CYFIP1: variants seen among roughly 807,000 people sequenced by gnomAD.
CYFIP1 encodes cytoplasmic FMR1-interacting protein 1.
A neutral mutation model predicts 163.5 loss-of-function variants in CYFIP1; 58 were observed. That is an observed-to-expected ratio of 0.35 (90% CI 0.29 to 0.44). The LOEUF is 0.44. Among genes scored for constraint, CYFIP1 ranks in the 20% least tolerant of loss-of-function variants. CYFIP1 has a pLI of 1.00. For missense variants in CYFIP1, 1,338 were observed against 1,653.8 expected (o/e 0.81, Z 3.31); for synonymous variants, 663 against 660.7 (o/e 1.00, Z -0.05).
chr15:22,909,286 G>T lies in CYFIP1; in HGVS notation c.2296C>A (p.Arg766Ser). The change falls in exon 21 of 31, where the codon CGT becomes AGT. Residue 766 changes from arginine (R) to serine (S), a missense_variant. Transcript: ENST00000617928. The stretch of plus-strand genomic sequence containing the variant: ...GCTGAGACGCGCTGGGTGATCAGAC[G>T]ATTGAGGTCTATTGATCTGCCGAGG... ...QLLGRSIDLN[R>S]LITQRVSAAM... 1.2e-6 allele frequency: 2 copies of T among 1,614,120 alleles called. No homozygotes were observed. The highest frequency in any genetic ancestry group is 1.1e-5 in the South Asian group (1 of 91,072).
At chr15:22,940,537 G>C (rs1180640252) in intron 6 of CYFIP1, among the ~76,000 whole-genome samples, 2 of 152,198 alleles carry the variant, frequency 1.3e-5, no homozygotes, top group Admixed American at 1.3e-4. Flanking sequence ...GGACCAGGAG[G>C]CAACACCTGA....
Position 22,933,843 on chromosome 15 carries a change from T to C in CYFIP1, c.951A>G (p.Arg317=). ...CGTAGTGGGCGCTGGTCTTGATATA[T>C]CTTGCCAGTTCTATTTGCATGTCCC... ...LFGDMQIELA[R]YIKTSAHYEE... The change falls in exon 10 of 31, where the codon AGA becomes AGG. Residue 317 remains arginine (R), a synonymous_variant. Transcript: ENST00000617928. 1.2e-6 allele frequency: 2 copies of C among 1,613,616 alleles called. No individual in the cohort carries two copies. Among genetic ancestry groups the C allele is most frequent in the Non-Finnish European group, 1.7e-6 (2 of 1,179,850 alleles).
Position 22,872,986 on chromosome 15 carries a change from G to C in CYFIP1, c.3450-14C>G, listed in dbSNP as rs1229296233. The C allele has an allele frequency of 6.2e-7, 1 of 1,612,576 alleles. No individual in the cohort carries two copies. The highest frequency in any genetic ancestry group is 8.5e-7 in the Non-Finnish European group (1 of 1,179,310). On this transcript the variant is annotated splice_polypyrimidine_tract_variant and intron_variant, in intron 29 of 30. Transcript: ENST00000617928. ...CCAAAGCACTGCCTAGGAACAAGAA[G>C]CAGAAACAGAATGGGAGATGAGTGA... is the stretch of plus-strand genomic sequence containing the variant.
chr15:22,974,959 A>G (rs1235322460), intron 1 of CYFIP1, among the ~76,000 whole-genome samples: 2 of 151,580 alleles, frequency 1.3e-5, no homozygotes, highest in Non-Finnish European at 2.9e-5. Flanking sequence ...AGCAAAACCA[A>G]CCCATCCACT....
chr15:22,956,699 T>A (rs1248229383), intron 1 of CYFIP1, among the ~76,000 whole-genome samples: 1 of 152,082 alleles, frequency 6.6e-6, no homozygotes, highest in East Asian at 1.9e-4. Flanking sequence ...GGCCACACCA[T>A]CCAGATGGCC....
chr15:22,936,201 A>G (rs2061705207), intron 9 of CYFIP1, among the ~76,000 whole-genome samples: 1 of 152,052 alleles, frequency 6.6e-6, no homozygotes, highest in East Asian at 1.9e-4. Flanking sequence ...AAGGCCTGCT[A>G]CACTCCAGCC....
At position 22,955,890 on chromosome 15, in the gene CYFIP1, A is replaced by C. The variant is rs1199518016; in HGVS notation, c.-6-8599T>G. ...ACCTCACAATCATCACATGCTTCAAAACAAAGAACAGTGAATCAACAGAAT... is the reference window on the plus strand; with the variant it reads ...ACCTCACAATCATCACATGCTTCAACACAAAGAACAGTGAATCAACAGAAT... On this transcript the variant is annotated intron_variant, in intron 1 of 30. Coordinates refer to ENST00000617928, the MANE Select transcript of CYFIP1 (RefSeq NM_014608.6). Among the ~76,000 whole-genome samples the C allele has an allele frequency of 9.9e-5, 15 of 151,834 alleles. 1 individual carries two copies. The highest frequency in any genetic ancestry group is 4.4e-5 in the Non-Finnish European group (3 of 67,892).
At chr15:22,905,970 A>G (rs1197737214) in intron 21 of CYFIP1, among the ~76,000 whole-genome samples, 4 of 151,860 alleles carry the variant, frequency 2.6e-5, no homozygotes, top group Middle Eastern at 3.2e-3. Flanking sequence ...CATGTTAGCC[A>G]GGATGGTCTT....
intron 1 of CYFIP1, chr15:22,951,661 T>C: frequency 2.5e-6 from 2 of 809,528 alleles, no homozygotes; most frequent in Non-Finnish European, 3.5e-6. Flanking sequence ...AGAAGACAGG[T>C]CGGACCGAGC....
At chr15:22,950,673 A>G (rs2062219702) in intron 1 of CYFIP1, among the ~76,000 whole-genome samples, 1 of 152,206 alleles carries the variant, frequency 6.6e-6, no homozygotes, top group African/African-American at 2.4e-5. Flanking sequence ...AAACTCTCAG[A>G]CCGTCCTGCT....
At chr15:22,945,183 G>A (rs1406618198) in intron 3 of CYFIP1, among the ~76,000 whole-genome samples, 1 of 152,184 alleles carries the variant, frequency 6.6e-6, no homozygotes, top group African/African-American at 2.4e-5. Flanking sequence ...GCATCTCTGA[G>A]GGGTGCCACA....
Position 22,867,756 on chromosome 15 carries a change from A to ACTT in CYFIP1, c.*2269_*2271dup, listed in dbSNP as rs2059216457. On this transcript the variant is annotated 3_prime_UTR_variant, in exon 31 of 31. Transcript: ENST00000617928. The stretch of plus-strand genomic sequence containing the variant: ...CTAAAAGTCTGAATGCTTAGAACAA[A>ACTT]CTTAACATGTTTATAGAATATGGTC... The ACTT allele has an allele frequency of 6.6e-6, 1 of 152,054 alleles. No individual in the cohort carries two copies. Among genetic ancestry groups the ACTT allele is most frequent in the African/African-American group, 2.4e-5 (1 of 41,280 alleles). The allele number at this position is 152,054 out of a possible 1,614,324, so 9.4% of individuals were successfully genotyped here.
intron 20 of CYFIP1, 26 bp downstream of exon 20, chr15:22,910,494 C>T (rs775770787): frequency 1.9e-6 from 3 of 1,585,130 alleles, no homozygotes; most frequent in Non-Finnish European, 1.7e-6. Context: ...ACTCTACGTC[C>T]CCACCACAGC....
chr15:22,925,894 C>T, intron 13 of CYFIP1, 88 bp downstream of exon 13: 3 of 1,554,496 alleles, frequency 1.9e-6, no homozygotes, highest in Non-Finnish European at 2.6e-6. Flanking sequence ...AGTAAACAGG[C>T]AGTTTTGTTC....
intron 28 of CYFIP1, 133 bp from the exon 29 acceptor site, chr15:22,873,862 G>A (rs1233672522): frequency 1.0e-5 from 8 of 779,816 alleles, no homozygotes; most frequent in African/African-American, 1.7e-5. Flanking sequence ...CACAATCACA[G>A]CTCGCTGCAG....
intron 29 of CYFIP1, 39 bp downstream of exon 29, chr15:22,873,452 C>G: frequency 6.5e-7 from 1 of 1,549,480 alleles, no homozygotes; most frequent in Non-Finnish European, 8.9e-7. Context: ...AGCTCCTCCC[C>G]TCCTCTGGGG....
intron 26 of CYFIP1, 105 bp from the exon 27 acceptor site, chr15:22,875,376 C>T: frequency 1.1e-6 from 1 of 933,702 alleles, no homozygotes. Flanking sequence ...AAAATAAACT[C>T]TGTAAGTTTA....
At chr15:22,964,134 A>T (rs1464362535) in intron 1 of CYFIP1, among the ~76,000 whole-genome samples, 2 of 150,560 alleles carry the variant, frequency 1.3e-5, no homozygotes, top group African/African-American at 4.9e-5. Flanking sequence ...TCGAGCTATT[A>T]CGCATATGTA....
intron 22 of CYFIP1, among the ~76,000 whole-genome samples, chr15:22,895,157 G>A (rs2060203323): frequency 6.6e-6 from 1 of 152,034 alleles, no homozygotes; most frequent in African/African-American, 2.4e-5. Flanking sequence ...TGGGACTACA[G>A]GCGCCCGCCA....
Sources: gnomAD v4.1 joint callset for allele counts (sites outside exome capture counted in the v4.1 genomes callset) on GRCh38, gnomAD v4.1.1 for gene constraint, MANE v1.5 for transcripts, NCBI Gene and HGNC (gene_info 2026-07-23, HGNC 2026-07-21) for gene names.